ADAM12: variants seen among roughly 807,000 people sequenced by gnomAD.
ADAM12 encodes disintegrin and metalloproteinase domain-containing protein 12.
Under a neutral mutation model 106.4 loss-of-function variants are expected in ADAM12, and 70 were observed. The observed-to-expected ratio is 0.66, with a 90% CI of 0.54 to 0.80. The LOEUF (loss-of-function observed/expected upper bound fraction) is 0.80, where lower values mean the gene tolerates loss of function less well. ADAM12 is among the 30% of genes least tolerant of loss of function. ADAM12 has a pLI of 0.00. For missense variants in ADAM12, 1,010 were observed against 1,171.9 expected (o/e 0.86, Z 2.02); for synonymous variants, 420 against 433.5 (o/e 0.97, Z 0.39).
At chr10:126,306,716 C>T (rs1038797851) in intron 2 of ADAM12, among the ~76,000 whole-genome samples, 3 of 152,110 alleles carry the variant, frequency 2.0e-5, no homozygotes, top group Non-Finnish European at 2.9e-5. Context: ...CTGGCGGTTT[C>T]TATTGAAATG....
At position 126,113,731 on chromosome 10, in the gene ADAM12, T is replaced by TAA. The variant is rs1554970680; in HGVS notation, c.604-3893_604-3892dup. On this transcript the variant is annotated intron_variant, in intron 6 of 22. Transcript: ENST00000448723. ...ATATATATATATATATATATATATA[T>TAA]AATATATTGCTCTGGCTACTGGAAG... is the stretch of plus-strand genomic sequence containing the variant. 7.6e-3 allele frequency among the ~76,000 whole-genome samples: 196 copies of TAA among 25,924 alleles called. 10 individuals are homozygous for TAA. The highest frequency in any genetic ancestry group is 0.03 in the African/African-American group (184 of 6,120). 17.0% of individuals were successfully genotyped at this position (25,924 alleles called of 152,430 possible).
At chr10:126,227,300 C>G (rs1180749572) in intron 3 of ADAM12, among the ~76,000 whole-genome samples, 1 of 152,178 alleles carries the variant, frequency 6.6e-6, no homozygotes. Flanking sequence ...TCACTATTAT[C>G]ACCATCATCA....
rs563949733 is a variant in ADAM12 at position 126,259,790 on chromosome 10, G to A, written c.260+19125C>T. Reference sequence around the variant, plus strand: ...TCACTCCTAAAAAAAGTTCCAAAACGCTCAGTAAGGTTTGGTGGGCCAAAC... The same window carrying A: ...TCACTCCTAAAAAAAGTTCCAAAACACTCAGTAAGGTTTGGTGGGCCAAAC... On this transcript the variant is annotated intron_variant, in intron 3 of 22. Coordinates refer to ENST00000448723, the MANE Select transcript of ADAM12 (RefSeq NM_001288973.2). 2.2e-4 allele frequency among the ~76,000 whole-genome samples: 33 copies of A among 152,286 alleles called. No individual in the cohort carries two copies. The South Asian group carries it at 3.5e-3, about 16-fold the overall frequency.
chr10:126,384,654 T>C (rs1001385824), intron 1 of ADAM12, among the ~76,000 whole-genome samples: 5 of 152,104 alleles, frequency 3.3e-5, no homozygotes, highest in African/African-American at 9.7e-5. Context: ...AGGTTGATAG[T>C]TCTTCCAGAA....
At chr10:126,093,721 A>C (rs1255980158) in intron 11 of ADAM12, among the ~76,000 whole-genome samples, 1 of 152,264 alleles carries the variant, frequency 6.6e-6, no homozygotes, top group African/African-American at 2.4e-5. Context: ...AGCGATTTCT[A>C]AACACAGACA....
rs1259642810 is a variant in ADAM12, at chr10:126,388,238, CGGA to C, written c.-96_-94del. 18 of 1,186,380 alleles carry C rather than the reference CGGA, an allele frequency of 1.5e-5. No individual in the cohort carries two copies. The East Asian group carries it at 5.1e-4, about 34-fold the overall frequency. 73.5% of individuals were successfully genotyped at this position (1,186,380 alleles called of 1,614,324 possible). A position where few individuals can be genotyped will look rare whatever the true frequency, so the allele number is the denominator to read the frequency against. ...CCGAGCCGGGGCCGGGCGTCGCGAC[CGGA>C]GGGATTTCCTGCCTCGGCGAGTCAG... On this transcript the variant is annotated 5_prime_UTR_variant, in exon 1 of 23. Coordinates refer to ENST00000448723, the MANE Select transcript of ADAM12 (RefSeq NM_001288973.2). This position sits in a 1 kb window ranked among gnomAD's most constrained non-coding sequence, Gnocchi z 4.4.
intron 5 of ADAM12, among the ~76,000 whole-genome samples, chr10:126,121,113 A>ATATATAGTATATATAG (rs751471972): frequency 3.6e-5 from 3 of 84,472 alleles, no homozygotes; most frequent in African/African-American, 5.3e-5. Context: ...TATATATAGT[A>ATATATAGTATATATAG]TATATATAGT....
At chr10:126,385,597 A>G (rs1241876700) in intron 1 of ADAM12, among the ~76,000 whole-genome samples, 4 of 152,258 alleles carry the variant, frequency 2.6e-5, no homozygotes, top group African/African-American at 4.8e-5. Context: ...ATGAAATGCC[A>G]TAAAACACTG....
intron 1 of ADAM12, among the ~76,000 whole-genome samples, chr10:126,378,778 C>T (rs1856387490): frequency 6.6e-6 from 1 of 152,140 alleles, no homozygotes; most frequent in Non-Finnish European, 1.5e-5. Context: ...ATAACTTATT[C>T]TATGTCCATT....
At chr10:126,065,157 A>AATC (rs539368620) in intron 13 of ADAM12, among the ~76,000 whole-genome samples, 156 bp from the exon 14 acceptor site, 127 of 152,320 alleles carry the variant, frequency 8.3e-4, no homozygotes, top group African/African-American at 2.9e-3. Flanking sequence ...TACCTCATTA[A>AATC]ATCATCAGAT....
chr10:126,021,571 C>T (rs1953768142), intron 21 of ADAM12, among the ~76,000 whole-genome samples: 2 of 152,166 alleles, frequency 1.3e-5, no homozygotes, highest in South Asian at 2.1e-4. Flanking sequence ...GATATTTCTA[C>T]ATTAGTTTTC....
intron 3 of ADAM12, among the ~76,000 whole-genome samples, chr10:126,243,055 C>T (rs1180223842): frequency 6.6e-6 from 1 of 152,166 alleles, no homozygotes; most frequent in Non-Finnish European, 1.5e-5. Flanking sequence ...TTTTCTTTTT[C>T]CCTCTAGACA....
intron 1 of ADAM12, among the ~76,000 whole-genome samples, chr10:126,363,491 G>C (rs1286675209): frequency 6.6e-6 from 1 of 152,124 alleles, no homozygotes; most frequent in Non-Finnish European, 1.5e-5. Flanking sequence ...CCTTGTCTGG[G>C]GGTGGGATAT....
chr10:126,323,721 A>G (rs1854192441), intron 2 of ADAM12, among the ~76,000 whole-genome samples: 1 of 152,206 alleles, frequency 6.6e-6, no homozygotes, highest in Admixed American at 6.5e-5. Context: ...TGATCGCGCC[A>G]GAGAGCTGAA....
chr10:126,280,161 A>G (rs1193156005), intron 2 of ADAM12, among the ~76,000 whole-genome samples: 2 of 152,190 alleles, frequency 1.3e-5, no homozygotes, highest in African/African-American at 4.8e-5. Flanking sequence ...ACATGAAAAT[A>G]ATTAGTTAAA....
chr10:126,368,924 A>G (rs1479837320), intron 1 of ADAM12, among the ~76,000 whole-genome samples: 2 of 152,162 alleles, frequency 1.3e-5, no homozygotes, highest in African/African-American at 4.8e-5. Context: ...TCTCAGGGAG[A>G]TAAGAACAAG....
intron 2 of ADAM12, among the ~76,000 whole-genome samples, chr10:126,326,792 G>A (rs562052873): frequency 1.7e-4 from 26 of 152,046 alleles, no homozygotes; most frequent in East Asian, 5.8e-4. Context: ...CTGTTTCCTC[G>A]GCCTGGATGC....
At chr10:126,320,954 T>G (rs558938562) in intron 2 of ADAM12, among the ~76,000 whole-genome samples, 6 of 152,356 alleles carry the variant, frequency 3.9e-5, no homozygotes, top group Admixed American at 2.0e-4. Flanking sequence ...AAGTTGTTTA[T>G]TTTTTAAAAT....
intron 2 of ADAM12, among the ~76,000 whole-genome samples, chr10:126,297,507 G>A (rs909371990): frequency 8.5e-5 from 13 of 152,168 alleles, no homozygotes; most frequent in African/African-American, 3.1e-4. Flanking sequence ...CTAGAATTGT[G>A]CCACTGCACT....
Sources: allele counts gnomAD v4.1 joint callset (sites outside exome capture counted in the v4.1 genomes callset), GRCh38; gene constraint gnomAD v4.1.1; non-coding constraint Gnocchi (gnomAD v3.1); transcripts MANE v1.5; gene names NCBI Gene and HGNC (gene_info 2026-07-23, HGNC 2026-07-21).